The following ERC2 variants were observed in gnomAD, a reference collection of about 807,000 sequenced individuals.
ERC2 encodes the protein ELKS/RAB6-interacting/CAST family member 2, also known as ERC protein 2.
A neutral mutation model predicts 114.8 loss-of-function variants in ERC2; 42 were observed. The ratio of observed to expected loss-of-function variants is 0.37; its 90% CI spans 0.29 to 0.47. The LOEUF is 0.47. Ranked by LOEUF, ERC2 falls within the 20% of genes least tolerant of loss-of-function variation. The pLI is 0.99. For synonymous variants in ERC2, 454 were observed against 425.5 expected (o/e 1.07, Z -0.82); for missense variants, 939 against 1,150.7 (o/e 0.82, Z 2.66).
chr3:55,518,784 G>A (rs1407330401), intron 17 of ERC2, among the ~76,000 whole-genome samples: 2 of 152,210 alleles, frequency 1.3e-5, no homozygotes, highest in Non-Finnish European at 2.9e-5. Context: ...ATAAATCGCT[G>A]ACAGAATAAC....
chr3:55,586,119 T>A (rs982207429), intron 17 of ERC2, among the ~76,000 whole-genome samples: 2 of 151,446 alleles, frequency 1.3e-5, no homozygotes, highest in Non-Finnish European at 2.9e-5. Context: ...GGAGGCACAC[T>A]GGTGCACCTG....
chr3:55,783,968 A>G (rs1377177941), intron 14 of ERC2, among the ~76,000 whole-genome samples: 1 of 152,248 alleles, frequency 6.6e-6, no homozygotes, highest in Non-Finnish European at 1.5e-5. Context: ...TTTTAAATAT[A>G]AAATTTCTAA....
chr3:56,107,084 G>A (rs963399165), intron 6 of ERC2, among the ~76,000 whole-genome samples: 1 of 152,030 alleles, frequency 6.6e-6, no homozygotes, highest in South Asian at 2.1e-4. Context: ...ATGATACTGG[G>A]TCTGCTGATG....
chr3:56,188,170 C>G (rs1250500997), intron 3 of ERC2, among the ~76,000 whole-genome samples: 1 of 152,150 alleles, frequency 6.6e-6, no homozygotes, highest in Admixed American at 6.5e-5. Flanking sequence ...TGAGGGCCAC[C>G]CTTCTGGGCA....
intron 10 of ERC2, among the ~76,000 whole-genome samples, chr3:56,001,357 T>C (rs2072042003): frequency 6.6e-6 from 1 of 151,944 alleles, no homozygotes. Context: ...AAGAAAAACA[T>C]AGTCATTTTT....
intron 14 of ERC2, among the ~76,000 whole-genome samples, chr3:55,791,405 A>T (rs2070007849): frequency 6.6e-6 from 1 of 152,192 alleles, no homozygotes; most frequent in Admixed American, 6.5e-5. Flanking sequence ...TGTATATATA[A>T]GTATATATAT....
intron 14 of ERC2, among the ~76,000 whole-genome samples, chr3:55,753,491 C>G (rs1226871965): frequency 6.6e-6 from 1 of 152,242 alleles, no homozygotes; most frequent in Non-Finnish European, 1.5e-5. Context: ...GGCATCCCTA[C>G]TCACAAAGCT....
intron 10 of ERC2, among the ~76,000 whole-genome samples, chr3:55,998,323 G>T (rs926933416): frequency 3.3e-5 from 5 of 151,896 alleles, no homozygotes; most frequent in African/African-American, 1.2e-4. Context: ...AAACAAAACT[G>T]TAATTATTAA....
chr3:55,631,599 TG>T (rs1416139536), intron 17 of ERC2, among the ~76,000 whole-genome samples: 1 of 152,202 alleles, frequency 6.6e-6, no homozygotes, highest in Non-Finnish European at 1.5e-5. Context: ...CTTCCTATTG[TG>T]GAGTCAGGGG....
At chr3:56,182,568 GTATTATCACCATTT>G (rs1199484566) in intron 3 of ERC2, among the ~76,000 whole-genome samples, 11 of 152,210 alleles carry the variant, frequency 7.2e-5, no homozygotes, top group African/African-American at 2.6e-4. Flanking sequence ...CCCTAAGTAG[GTATTATCACCATTT>G]TATTATCACC....
rs2050793048 is a variant in ERC2, at chr3:56,234,079, T to C, written c.1075-60559A>G. Among the ~76,000 whole-genome samples the C allele has an allele frequency of 1.3e-5, 2 of 152,190 alleles. 1 individual carries two copies. Among genetic ancestry groups the C allele is most frequent in the South Asian group, 4.1e-4 (2 of 4,828 alleles). ...TTAGGGAGATACGCCTGAAAGTGTT[T>C]TATTTAATGTGCCTCTTTCCTTACA... On this transcript the variant is annotated intron_variant, in intron 3 of 17. Transcript: ENST00000288221.
At chr3:55,792,064 T>C (rs1374587664) in intron 14 of ERC2, among the ~76,000 whole-genome samples, 1 of 152,178 alleles carries the variant, frequency 6.6e-6, no homozygotes, top group African/African-American at 2.4e-5. Context: ...TAAAGCAAGT[T>C]ATTAAGTACA....
chr3:55,717,906 G>A (rs1409638168), intron 15 of ERC2, among the ~76,000 whole-genome samples: 1 of 152,104 alleles, frequency 6.6e-6, no homozygotes, highest in Admixed American at 6.5e-5. Context: ...CCCTATCTGG[G>A]GTCCCAGAGT....
intron 2 of ERC2, among the ~76,000 whole-genome samples, chr3:56,325,971 T>G (rs73088533): frequency 0.071 from 10,767 of 152,192 alleles, 573 homozygotes; most frequent in African/African-American, 0.14. Context: ...TCAGACACAC[T>G]CTGGTTGCAT....
At chr3:56,034,209 CA>C (rs1473027869) in intron 7 of ERC2, among the ~76,000 whole-genome samples, 4 of 151,950 alleles carry the variant, frequency 2.6e-5, no homozygotes, top group Admixed American at 2.6e-4. Flanking sequence ...CACTTTAAGT[CA>C]AAAACTGTCA....
At chr3:56,136,888 G>T (rs2080539471) in intron 6 of ERC2, among the ~76,000 whole-genome samples, 1 of 152,154 alleles carries the variant, frequency 6.6e-6, no homozygotes, top group Admixed American at 6.5e-5. Context: ...CAACTTCAAA[G>T]CAGAAGACTT....
At chr3:55,700,511 C>T (rs766522795) in intron 15 of ERC2, among the ~76,000 whole-genome samples, 11 of 152,204 alleles carry the variant, frequency 7.2e-5, no homozygotes, top group South Asian at 4.1e-4. Flanking sequence ...GCGAATGATA[C>T]GATGGACTTC....
rs547712478 is a variant in ERC2, at chr3:56,351,725, C to T, written c.658-55290G>A. Among the ~76,000 whole-genome samples the T allele has an allele frequency of 9.2e-5, 14 of 152,272 alleles. No individual in the cohort carries two copies. In the South Asian group the frequency reaches 2.9e-3, roughly 32 times the overall value. On this transcript the variant is annotated intron_variant, in intron 2 of 17. Transcript: ENST00000288221. ...AGAGAACTAGTGCACAGATGTAGCTCTGGCATGTGTATCCATCCATTCATT... is the reference window on the plus strand; with the variant it reads ...AGAGAACTAGTGCACAGATGTAGCTTTGGCATGTGTATCCATCCATTCATT...
At chr3:55,611,181 A>G (rs1332708676) in intron 17 of ERC2, among the ~76,000 whole-genome samples, 2 of 152,260 alleles carry the variant, frequency 1.3e-5, no homozygotes, top group Non-Finnish European at 2.9e-5. Context: ...AAATGCCAGC[A>G]GTAATTAAGA....
Sources: gnomAD v4.1 joint callset for allele counts (sites outside exome capture counted in the v4.1 genomes callset) on GRCh38, gnomAD v4.1.1 for gene constraint, MANE v1.5 for transcripts, NCBI Gene and HGNC (gene_info 2026-07-23, HGNC 2026-07-21) for gene names.